Variants in NAB1 observed in about 807,000 individuals in gnomAD.
NAB1 encodes NGFI-A binding protein 1.
A neutral mutation model predicts 49.9 loss-of-function variants in NAB1; 25 were observed. The observed-to-expected ratio is 0.50, with a 90% CI of 0.37 to 0.70. The LOEUF (loss-of-function observed/expected upper bound fraction) is 0.70. NAB1 is among the 30% of genes least tolerant of loss of function. The pLI, the probability that NAB1 is intolerant of heterozygous loss-of-function variation, is 0.00. For missense variants in NAB1, 489 were observed against 575.9 expected (o/e 0.85, Z 1.54); for synonymous variants, 198 against 215.6 (o/e 0.92, Z 0.71).
At position 190,685,546 on chromosome 2, in the gene NAB1, A is replaced by C; in HGVS notation, c.1166A>C (p.His389Pro). ...CAAGCTGGCTATGAGAGACTGCAGC[A>C]TGCCGAGAGGAGGTTGTCTGCAGGG... The part of the protein sequence containing the change: ...CNQAGYERLQ[H>P]AERRLSAGLY... The change falls in exon 8 of 10, where the codon CAT (histidine) becomes CCT (proline). Residue 389 changes from histidine to proline, a missense_variant. By Grantham distance (77) the His-to-Pro change is moderately conservative. Coordinates refer to ENST00000337386, the MANE Select transcript of NAB1 (RefSeq NM_005966.4). The surrounding 1 kb of genome is among the most constrained non-coding windows in gnomAD (Gnocchi z 4.5). 1.9e-6 allele frequency: 3 copies of C among 1,614,156 alleles called. No homozygotes were observed. Among genetic ancestry groups the C allele is most frequent in the Non-Finnish European group, 2.5e-6 (3 of 1,180,022 alleles).
In NAB1 at chr2:190,678,750, TGAAAA is replaced by T. The variant is rs1320936486; in HGVS notation, c.1006-4983_1006-4979del. 1.3e-5 allele frequency among the ~76,000 whole-genome samples: 2 copies of T among 152,260 alleles called. No individual in the cohort carries two copies. Among genetic ancestry groups the T allele is most frequent in the African/African-American group, 4.8e-5 (2 of 41,552 alleles). Reference sequence around the variant, plus strand: ...CCACCTACGCTGCTACTAAGCTTGTTGAAAAGAAAGCTGGTCTAATTTGACGTAGA... The same window carrying T: ...CCACCTACGCTGCTACTAAGCTTGTTGAAAGCTGGTCTAATTTGACGTAGA... On this transcript the variant is annotated intron_variant, in intron 6 of 9. Transcript: ENST00000337386. This position sits in a 1 kb window ranked among gnomAD's most constrained non-coding sequence, Gnocchi z 4.9.
rs1559259627 is a variant in NAB1, at chr2:190,690,878, A to C, written c.*545A>C. The C allele has an allele frequency of 1.3e-5, 2 of 152,522 alleles. No homozygotes were observed. Among genetic ancestry groups the C allele is most frequent in the Non-Finnish European group, 1.5e-5 (1 of 68,008 alleles). The allele number at this position is 152,522 out of a possible 1,614,324, so 9.4% of individuals were successfully genotyped here. ...GAAAGCGAATACTCAGTTTAAGCCA[A>C]GGAAAATATTGTGGATTTAATATTT... On this transcript the variant is annotated 3_prime_UTR_variant, in exon 10 of 10. Transcript: ENST00000337386.
At chr2:190,668,059 T>G (rs1225357003) in intron 4 of NAB1, among the ~76,000 whole-genome samples, 1 of 152,140 alleles carries the variant, frequency 6.6e-6, no homozygotes, top group Non-Finnish European at 1.5e-5. Context: ...AAATGCTGTT[T>G]TAGAAATATA....
chr2:190,650,206 T>G (rs1693590614), intron 2 of NAB1, among the ~76,000 whole-genome samples: 1 of 152,210 alleles, frequency 6.6e-6, no homozygotes, highest in Non-Finnish European at 1.5e-5. Flanking sequence ...TAGACTTGCA[T>G]GTACTTACAC....
intron 4 of NAB1, among the ~76,000 whole-genome samples, chr2:190,660,554 A>G (rs1475282641): frequency 6.6e-6 from 1 of 152,170 alleles, no homozygotes; most frequent in Non-Finnish European, 1.5e-5. Flanking sequence ...GTGTGTGTAT[A>G]TGTGTGTATA....
At chr2:190,664,309 G>A (rs1694375708) in intron 4 of NAB1, among the ~76,000 whole-genome samples, 1 of 151,130 alleles carries the variant, frequency 6.6e-6, no homozygotes, top group South Asian at 2.1e-4. Context: ...AAATACATGA[G>A]CTCTCTTTTT....
In NAB1 at chr2:190,663,652, G is replaced by T. The variant is rs116307807; in HGVS notation, c.819+3657G>T. Among the ~76,000 whole-genome samples the T allele has an allele frequency of 1.3e-5, 2 of 152,138 alleles. No homozygotes were observed. Among genetic ancestry groups the T allele is most frequent in the Admixed American group, 6.5e-5 (1 of 15,272 alleles). Reference sequence around the variant, plus strand: ...TGCTATTCTTGCTTGTGCTGTACACGTGTATATATTTGTCTCCTCTCTTAG... The same window carrying T: ...TGCTATTCTTGCTTGTGCTGTACACTTGTATATATTTGTCTCCTCTCTTAG... On this transcript the variant is annotated intron_variant, in intron 4 of 9. Transcript: ENST00000337386. The surrounding 1 kb of genome is among the most constrained non-coding windows in gnomAD (Gnocchi z 4.2).
chr2:190,652,590 A>G lies in NAB1; in HGVS notation c.-197+2608A>G, dbSNP rs1693725331. Among the ~76,000 whole-genome samples the G allele has an allele frequency of 6.6e-6, 1 of 152,230 alleles. No homozygotes were observed. The highest frequency in any genetic ancestry group is 1.5e-5 in the Non-Finnish European group (1 of 68,032). On this transcript the variant is annotated intron_variant, in intron 2 of 9. Transcript: ENST00000337386. This position sits in a 1 kb window ranked among gnomAD's most constrained non-coding sequence, Gnocchi z 4.2. Reference sequence around the variant, plus strand: ...TCCAGCTTCATTCATTCCATTCAGAATTTAGAAACGAATCAATAAGAGACA... The same window carrying G: ...TCCAGCTTCATTCATTCCATTCAGAGTTTAGAAACGAATCAATAAGAGACA...
Position 190,663,600 on chromosome 2 carries a change from T to G in NAB1, c.819+3605T>G, listed in dbSNP as rs76780520. Among the ~76,000 whole-genome samples the G allele has an allele frequency of 2.6e-5, 4 of 152,318 alleles. No homozygotes were observed. The highest frequency in any genetic ancestry group is 5.9e-5 in the Non-Finnish European group (4 of 68,020). On this transcript the variant is annotated intron_variant, in intron 4 of 9. Transcript: ENST00000337386. This position sits in a 1 kb window ranked among gnomAD's most constrained non-coding sequence, Gnocchi z 4.2. The stretch of plus-strand genomic sequence containing the variant: ...GAAAAAGCTTGCCAACCTCTGATCT[T>G]TTTGAAGAAGCCACTCTGGGCTTAG...
At chr2:190,668,653 A>G (rs189765109) in intron 4 of NAB1, among the ~76,000 whole-genome samples, 73 of 152,340 alleles carry the variant, frequency 4.8e-4, no homozygotes, top group African/African-American at 1.7e-3. Flanking sequence ...AATAATGTAT[A>G]TTAGAATATT....
In NAB1 at chr2:190,683,839, T is replaced by A. The variant is rs1283581210; in HGVS notation, c.1095+12T>A. 6.3e-7 allele frequency: 1 copy of A among 1,590,262 alleles called. No homozygotes were observed. The highest frequency in any genetic ancestry group is 1.7e-5 in the Admixed American group (1 of 59,494). On this transcript the variant is annotated intron_variant, in intron 7 of 9. Coordinates refer to ENST00000337386, the MANE Select transcript of NAB1 (RefSeq NM_005966.4). ...CTCTTAGTTCACAGGTAACATAAAC[T>A]CCCAGTTATTACTCCATGATAGTAT...
rs1166456240 is a variant in NAB1, at chr2:190,659,107, G to T, written c.-19-51G>T. On this transcript the variant is annotated intron_variant, in intron 3 of 9. Coordinates refer to ENST00000337386, the MANE Select transcript of NAB1 (RefSeq NM_005966.4). This position sits in a 1 kb window ranked among gnomAD's most constrained non-coding sequence, Gnocchi z 6.2. ...TGTAGTGTAACCTATTTGGTGTAAGGAGTTTGAAGCAAGTATGATGAGTTT... is the reference window on the plus strand; with the variant it reads ...TGTAGTGTAACCTATTTGGTGTAAGTAGTTTGAAGCAAGTATGATGAGTTT... 3 of 1,219,988 alleles carry T rather than the reference G, an allele frequency of 2.5e-6. No homozygotes were observed. Among genetic ancestry groups the T allele is most frequent in the African/African-American group, 3.1e-5 (2 of 65,358 alleles). The allele number at this position is 1,219,988 out of a possible 1,614,324, so 75.6% of individuals were successfully genotyped here.
At chr2:190,665,814 T>C (rs779049557) in intron 4 of NAB1, among the ~76,000 whole-genome samples, 3 of 152,198 alleles carry the variant, frequency 2.0e-5, no homozygotes, top group Non-Finnish European at 4.4e-5. Context: ...GACAGATAAT[T>C]TTCTTTGCAT....
In NAB1 at chr2:190,685,454, T is replaced by C. The variant is rs1452407534; in HGVS notation, c.1096-22T>C. 4.4e-6 allele frequency: 7 copies of C among 1,582,198 alleles called. No homozygotes were observed. The highest frequency in any genetic ancestry group is 6.0e-6 in the Non-Finnish European group (7 of 1,165,178). Reference sequence around the variant, plus strand: ...ATCTAGAATGTTTCAGTTACTGATTTGATTTTTGCTTTACTTACTAGCAGC... The same window carrying C: ...ATCTAGAATGTTTCAGTTACTGATTCGATTTTTGCTTTACTTACTAGCAGC... On this transcript the variant is annotated intron_variant, in intron 7 of 9. Transcript: ENST00000337386. This position sits in a 1 kb window ranked among gnomAD's most constrained non-coding sequence, Gnocchi z 4.5.
intron 4 of NAB1, among the ~76,000 whole-genome samples, chr2:190,668,870 C>T (rs571307076): frequency 2.6e-5 from 4 of 152,222 alleles, no homozygotes; most frequent in East Asian, 3.9e-4. Flanking sequence ...ATATACTGTT[C>T]GTCCCTATAC....
At chr2:190,660,984 G>A (rs1340632346) in intron 4 of NAB1, among the ~76,000 whole-genome samples, 1 of 149,030 alleles carries the variant, frequency 6.7e-6, no homozygotes, top group Admixed American at 6.7e-5. Context: ...ACTCTGTCAC[G>A]CAAGCTAGAG....
At position 190,659,565 on chromosome 2, in the gene NAB1, G is replaced by A; in HGVS notation, c.389G>A (p.Cys130Tyr). 6.2e-7 allele frequency: 1 copy of A among 1,614,226 alleles called. No homozygotes were observed. Among genetic ancestry groups the A allele is most frequent in the Non-Finnish European group, 8.5e-7 (1 of 1,180,042 alleles). The change falls in exon 4 of 10, where the codon TGT (cysteine) becomes TAT (tyrosine). Residue 130 changes from cysteine (C) to tyrosine (Y), a missense_variant. Physicochemically the swap from Cys to Tyr is radical, Grantham distance 194. This residue lies in a region of NAB1 where 204 missense variants were observed against 220.9 expected (regional missense o/e 0.92). Transcript: ENST00000337386. This position sits in a 1 kb window ranked among gnomAD's most constrained non-coding sequence, Gnocchi z 6.2. ...AREPHLKIPK[C>Y]AATTCVQSLG... ...GAACCTCATTTAAAAATCCCCAAAT[G>A]TGCTGCCACCACCTGTGTGCAGAGC...
rs139138861 is a variant in NAB1, at chr2:190,653,664, G to C, written c.-196-2313G>C. 604 of 152,326 alleles carry C rather than the reference G, an allele frequency of 4.0e-3. 3 individuals carry two copies. Among genetic ancestry groups the C allele is most frequent in the African/African-American group, 0.014 (584 of 41,566 alleles). 9.4% of individuals were successfully genotyped at this position (152,326 alleles called of 1,614,324 possible). Reference sequence around the variant, plus strand: ...AAGAATAGTGATTATAAATCCCTTTGAGTGTATGGATCATTAATGAGATAG... The same window carrying C: ...AAGAATAGTGATTATAAATCCCTTTCAGTGTATGGATCATTAATGAGATAG... On this transcript the variant is annotated intron_variant, in intron 2 of 9. Coordinates refer to ENST00000337386, the MANE Select transcript of NAB1 (RefSeq NM_005966.4).
intron 5 of NAB1, among the ~76,000 whole-genome samples, chr2:190,672,663 GTGA>G (rs1415429021): frequency 1.3e-5 from 2 of 151,250 alleles, no homozygotes; most frequent in Non-Finnish European, 2.9e-5. Context: ...TTTTCATTAT[GTGA>G]TGATCATTAA....
Sources: gnomAD v4.1 joint callset for allele counts (sites outside exome capture counted in the v4.1 genomes callset) on GRCh38, gnomAD v4.1.1 for gene constraint, gnomAD v4.1.1 regional missense constraint, Gnocchi (gnomAD v3.1) non-coding constraint, MANE v1.5 for transcripts, NCBI Gene and HGNC (gene_info 2026-07-23, HGNC 2026-07-21) for gene names.